DAB1: variants seen among roughly 807,000 people sequenced by gnomAD.
DAB1 encodes the protein DAB adaptor protein 1, also known as disabled homolog 1.
In DAB1, 15 loss-of-function variants were observed where a neutral mutation model predicts 64.6. The ratio of observed to expected loss-of-function variants is 0.23; its 90% CI spans 0.16 to 0.36. The LOEUF is 0.36. Ranked by LOEUF, DAB1 falls within the 10% of genes least tolerant of loss-of-function variation. The probability of loss-of-function intolerance (pLI) is 1.00; values close to 1 mark genes in which losing one functional copy is unlikely to be tolerated. For synonymous variants in DAB1, 235 were observed against 251.9 expected (o/e 0.93, Z 0.64); for missense variants, 596 against 706.7 (o/e 0.84, Z 1.78).
chr1:57,960,908 G>C (rs1645505685), intron 5 of DAB1, among the ~76,000 whole-genome samples: 1 of 152,372 alleles, frequency 6.6e-6, no homozygotes, highest in East Asian at 1.9e-4. Context: ...AGGTGTAACA[G>C]GTAAGAGGGA....
chr1:58,099,940 T>C (rs1651213114), intron 5 of DAB1, among the ~76,000 whole-genome samples: 1 of 152,314 alleles, frequency 6.6e-6, no homozygotes, highest in Non-Finnish European at 1.5e-5. Context: ...CAGACAGCCA[T>C]GTGGCTTGCT....
At chr1:58,467,982 T>C (rs141396926) in intron 3 of DAB1, 1 of 152,624 alleles carries the variant, frequency 6.6e-6, no homozygotes, top group Non-Finnish European at 1.5e-5. Context: ...TGGAGTGCAA[T>C]GGCGCGATCT....
At chr1:57,070,754 CA>C in intron 7 of DAB1, 2 of 468,606 alleles carry the variant, frequency 4.3e-6, no homozygotes, top group Non-Finnish European at 7.9e-6. Context: ...GCTCTGGGAT[CA>C]AACTTTTACA....
At chr1:58,240,952 A>G (rs892095588) in intron 4 of DAB1, among the ~76,000 whole-genome samples, 4 of 152,204 alleles carry the variant, frequency 2.6e-5, no homozygotes, top group African/African-American at 9.6e-5. Context: ...AGACATGATA[A>G]CACAATCTGA....
intron 3 of DAB1, among the ~76,000 whole-genome samples, chr1:58,505,110 G>A (rs531761074): frequency 3.3e-5 from 5 of 152,118 alleles, no homozygotes; most frequent in East Asian, 1.9e-4. Context: ...ATGCCACCAC[G>A]CCCGCCTAAT....
At chr1:57,615,898 G>A (rs887281406) in intron 7 of DAB1, among the ~76,000 whole-genome samples, 15 of 152,150 alleles carry the variant, frequency 9.9e-5, no homozygotes, top group African/African-American at 3.6e-4. Flanking sequence ...AGTTCATAAT[G>A]AAATACTATC....
intron 6 of DAB1, among the ~76,000 whole-genome samples, chr1:57,729,444 G>A (rs1647317619): frequency 2.6e-5 from 4 of 152,380 alleles, no homozygotes; most frequent in Admixed American, 2.6e-4. Flanking sequence ...AGGATAAGGA[G>A]GACTTTGGCC....
At chr1:57,137,251 A>C (rs1658207339) in intron 3 of DAB1, among the ~76,000 whole-genome samples, 1 of 152,308 alleles carries the variant, frequency 6.6e-6, no homozygotes, top group South Asian at 2.1e-4. Flanking sequence ...ATTTATCAAA[A>C]AAACTGTTTC....
intron 1 of DAB1, among the ~76,000 whole-genome samples, chr1:57,331,128 G>C (rs927714778): frequency 2.0e-5 from 3 of 152,146 alleles, no homozygotes; most frequent in African/African-American, 7.2e-5. Context: ...CACCTAAAAA[G>C]TAAATGCTAT....
At chr1:58,303,187 T>A (rs1418030678) in intron 4 of DAB1, among the ~76,000 whole-genome samples, 2 of 152,132 alleles carry the variant, frequency 1.3e-5, no homozygotes, top group African/African-American at 4.8e-5. Context: ...GCAGCCTCCA[T>A]CCTGGGTTCC....
At chr1:57,429,516 C>T (rs1457308328) in intron 7 of DAB1, among the ~76,000 whole-genome samples, 2 of 152,168 alleles carry the variant, frequency 1.3e-5, no homozygotes, top group Non-Finnish European at 2.9e-5. Flanking sequence ...TGTCTACTTT[C>T]ACTTTTGTTG....
intron 6 of DAB1, among the ~76,000 whole-genome samples, chr1:57,711,140 T>A (rs1432057761): frequency 2.0e-5 from 3 of 152,208 alleles, no homozygotes; most frequent in Non-Finnish European, 2.9e-5. Flanking sequence ...GCTCCACTCA[T>A]CCTCCTAACC....
intron 1 of DAB1, chr1:57,386,744 G>C (rs1681898969): frequency 1.9e-5 from 1 of 53,648 alleles, no homozygotes; most frequent in Non-Finnish European, 4.5e-5. Context: ...GTGTGCGTGT[G>C]TGTGTGTGTG....
intron 4 of DAB1, among the ~76,000 whole-genome samples, chr1:58,243,217 T>C (rs1425334612): frequency 6.6e-6 from 1 of 151,642 alleles, no homozygotes; most frequent in African/African-American, 2.4e-5. Flanking sequence ...TCACTAAAGA[T>C]CTAAGCTCAA....
chr1:57,457,475 T>C (rs909428344), intron 7 of DAB1, among the ~76,000 whole-genome samples: 6 of 152,166 alleles, frequency 3.9e-5, no homozygotes, highest in Non-Finnish European at 5.9e-5. Flanking sequence ...GAAACAGGAA[T>C]GATGTATTCA....
At chr1:57,461,827 T>C (rs535569177) in intron 7 of DAB1, among the ~76,000 whole-genome samples, 54 of 152,240 alleles carry the variant, frequency 3.5e-4, no homozygotes, top group Non-Finnish European at 6.2e-4. Flanking sequence ...ATGCAGGGTC[T>C]TGTCTTAATA....
chr1:58,201,040 G>A (rs1175034543), intron 4 of DAB1, among the ~76,000 whole-genome samples: 7 of 146,550 alleles, frequency 4.8e-5, no homozygotes, highest in Non-Finnish European at 9.0e-5. Context: ...TTTTTGAGAT[G>A]GAGTCTCGCT....
rs115636435 is a variant in DAB1 at position 57,499,647 on chromosome 1, T to G, written n.625+149945A>C. On this transcript the variant is annotated intron_variant and non_coding_transcript_variant, in intron 7 of 20. Coordinates refer to the DAB1 transcript ENST00000485760. The stretch of plus-strand genomic sequence containing the variant: ...CAGGGAGGCAAGGAAGTTAAAAGTT[T>G]TGGCAAATGTGTTACTGAAATGAAG... 6.4e-3 allele frequency among the ~76,000 whole-genome samples: 972 copies of G among 152,306 alleles called. 11 individuals carry two copies. The highest frequency in any genetic ancestry group is 0.022 in the African/African-American group (934 of 41,556).
At chr1:58,153,193 G>C (rs1347692261) in intron 4 of DAB1, among the ~76,000 whole-genome samples, 1 of 152,194 alleles carries the variant, frequency 6.6e-6, no homozygotes, top group African/African-American at 2.4e-5. Context: ...CTTTACCCCC[G>C]AGTGCCTGAT....
Sources: gnomAD v4.1 joint callset for allele counts (sites outside exome capture counted in the v4.1 genomes callset) on GRCh38, gnomAD v4.1.1 for gene constraint, MANE v1.5 for transcripts, NCBI Gene and HGNC (gene_info 2026-07-23, HGNC 2026-07-21) for gene names.